The following SNX29 variants were observed in gnomAD, a reference collection of about 807,000 sequenced individuals.
The protein encoded by SNX29 is sorting nexin 29.
A neutral mutation model predicts 102.1 loss-of-function variants in SNX29; 78 were observed. The observed-to-expected ratio is 0.76, with a 90% CI of 0.64 to 0.92. The LOEUF (loss-of-function observed/expected upper bound fraction) is 0.92, where lower values mean the gene tolerates loss of function less well. SNX29 is among the 40% of genes least tolerant of loss of function. The pLI is 0.00. For synonymous variants in SNX29, 580 were observed against 414.5 expected, an observed-to-expected ratio of 1.40 and a Z score of -4.85; for missense variants, 1,280 against 1,061.7, an observed-to-expected ratio of 1.21 and a Z score of -2.86.
In SNX29 at chr16:12,570,242, A is replaced by C. The variant is rs1388353510; in HGVS notation, c.*1613A>C. On this transcript the variant is annotated 3_prime_UTR_variant, in exon 21 of 21. Coordinates refer to ENST00000566228, the MANE Select transcript of SNX29 (RefSeq NM_032167.5). ...AGATAAGCCCTGCCCCGGTGAGACC[A>C]AATGAGCTGGAGCATGTATGGAGGT... The C allele has an allele frequency of 9.4e-7, 1 of 1,065,184 alleles. No homozygotes were observed. Among genetic ancestry groups the C allele is most frequent in the Admixed American group, 5.3e-5 (1 of 18,706 alleles). The allele number at this position is 1,065,184 out of a possible 1,614,324, so 66.0% of individuals were successfully genotyped here. A position where few individuals can be genotyped will look rare whatever the true frequency, so the allele number is the denominator to read the frequency against.
At chr16:12,426,206 A>G (rs933344792) in intron 18 of SNX29, among the ~76,000 whole-genome samples, 1 of 152,116 alleles carries the variant, frequency 6.6e-6, no homozygotes, top group African/African-American at 2.4e-5. Flanking sequence ...CAGTAAGTTT[A>G]TTATTCATCT....
intron 18 of SNX29, among the ~76,000 whole-genome samples, chr16:12,445,877 G>A (rs975925448): frequency 2.0e-5 from 3 of 152,012 alleles, no homozygotes; most frequent in African/African-American, 7.2e-5. Flanking sequence ...TGAGGAAATC[G>A]AACACCTGAG....
At chr16:12,040,184 C>G (rs928977230) in intron 4 of SNX29, among the ~76,000 whole-genome samples, 1 of 152,052 alleles carries the variant, frequency 6.6e-6, no homozygotes, top group African/African-American at 2.4e-5. Context: ...CCAGCCTGCA[C>G]AACATAGCAG....
chr16:12,025,191 A>G (rs773257641), intron 3 of SNX29, among the ~76,000 whole-genome samples: 3 of 149,516 alleles, frequency 2.0e-5, no homozygotes, highest in Admixed American at 6.8e-5. Flanking sequence ...ATTCCCAGCT[A>G]CATGGGAGGC....
chr16:12,343,654 C>A (rs986754684), intron 15 of SNX29, among the ~76,000 whole-genome samples: 1 of 151,974 alleles, frequency 6.6e-6, no homozygotes, highest in Non-Finnish European at 1.5e-5. Context: ...GTGCCACTGG[C>A]CACTTTGTCT....
chr16:12,504,344 T>C (rs1334178549), intron 19 of SNX29, among the ~76,000 whole-genome samples: 1 of 152,108 alleles, frequency 6.6e-6, no homozygotes, highest in Non-Finnish European at 1.5e-5. Context: ...CTAGGAGCAA[T>C]TTTAGAATGT....
intron 5 of SNX29, among the ~76,000 whole-genome samples, chr16:12,045,922 C>T (rs1022478279): frequency 1.7e-4 from 26 of 152,048 alleles, no homozygotes; most frequent in Admixed American, 4.6e-4. Context: ...CCGTGCCTGG[C>T]CAAGGCAGGC....
intron 16 of SNX29, among the ~76,000 whole-genome samples, chr16:12,369,600 A>G (rs2082610058): frequency 6.6e-6 from 1 of 152,190 alleles, no homozygotes. Flanking sequence ...CATCCTAAAA[A>G]TGTGGACCCT....
At chr16:12,537,237 A>C (rs2077117112) in intron 20 of SNX29, among the ~76,000 whole-genome samples, 1 of 152,218 alleles carries the variant, frequency 6.6e-6, no homozygotes, top group Non-Finnish European at 1.5e-5. Context: ...GGTGCCAGGC[A>C]CACCCAAAAT....
chr16:12,014,224 A>C (rs1355448529), intron 3 of SNX29, among the ~76,000 whole-genome samples: 1 of 151,958 alleles, frequency 6.6e-6, no homozygotes, highest in Non-Finnish European at 1.5e-5. Flanking sequence ...TCATTTATTC[A>C]CGCCTGCATC....
At chr16:12,558,439 G>A (rs77350700) in intron 20 of SNX29, among the ~76,000 whole-genome samples, 1,894 of 152,246 alleles carry the variant, frequency 0.012, 36 homozygotes, top group African/African-American at 0.042. Context: ...AGAAAGCATT[G>A]GTAGACTTCT....
chr16:12,346,999 G>A (rs145332024), intron 15 of SNX29, among the ~76,000 whole-genome samples: 5 of 152,290 alleles, frequency 3.3e-5, no homozygotes, highest in African/African-American at 2.4e-5. Flanking sequence ...TCTCAGAGGC[G>A]TCCCCTTACT....
At chr16:12,518,960 C>G (rs530906155) in intron 19 of SNX29, among the ~76,000 whole-genome samples, 3 of 152,272 alleles carry the variant, frequency 2.0e-5, no homozygotes, top group South Asian at 4.1e-4. Flanking sequence ...CTCGGCTGGT[C>G]ATACTGCCTG....
At chr16:12,398,419 C>G (rs746252880) in intron 16 of SNX29, 27 bp from the exon 17 acceptor site, 1 of 1,612,986 alleles carries the variant, frequency 6.2e-7, no homozygotes, top group South Asian at 1.1e-5. Flanking sequence ...CATTTTTTCT[C>G]CCCTCTCCCC....
intron 11 of SNX29, among the ~76,000 whole-genome samples, chr16:12,085,812 GT>G (rs1298442661): frequency 1.3e-5 from 2 of 152,148 alleles, no homozygotes; most frequent in Non-Finnish European, 1.5e-5. Flanking sequence ...GCCTTCTGAG[GT>G]GTAGGTTATA....
intron 16 of SNX29, among the ~76,000 whole-genome samples, chr16:12,365,965 C>T (rs1178341783): frequency 7.4e-6 from 1 of 135,310 alleles, no homozygotes; most frequent in Non-Finnish European, 1.6e-5. Context: ...TGGCATGAAC[C>T]CGGGAGGTGG....
intron 19 of SNX29, among the ~76,000 whole-genome samples, chr16:12,497,528 C>T (rs912169621): frequency 5.3e-5 from 8 of 152,170 alleles, no homozygotes; most frequent in Non-Finnish European, 1.0e-4. Context: ...GCTTGTGTAA[C>T]GAGAGGCTTA....
intron 20 of SNX29, among the ~76,000 whole-genome samples, chr16:12,558,420 C>T (rs148834319): frequency 2.0e-5 from 3 of 152,236 alleles, no homozygotes; most frequent in Non-Finnish European, 4.4e-5. Flanking sequence ...GTGGTGAAAG[C>T]TGACATCTAG....
At chr16:12,240,336 A>G (rs541929454) in intron 14 of SNX29, among the ~76,000 whole-genome samples, 1 of 152,314 alleles carries the variant, frequency 6.6e-6, no homozygotes, top group African/African-American at 2.4e-5. Context: ...TATGCCTGTC[A>G]GGCCTCACCC....
Sources: allele counts gnomAD v4.1 joint callset (sites outside exome capture counted in the v4.1 genomes callset), GRCh38; gene constraint gnomAD v4.1.1; transcripts MANE v1.5; gene names NCBI Gene and HGNC (gene_info 2026-07-23, HGNC 2026-07-21).